Variants in IGSF10 observed in about 807,000 individuals in gnomAD.
The protein encoded by IGSF10 is immunoglobulin superfamily member 10, also known as calvaria mechanical force protein 608.
IGSF10 carries 126 observed loss-of-function variants against 128.2 expected under a neutral mutation model. That is an observed-to-expected ratio of 0.98 (90% CI 0.85 to 1.14). The LOEUF is 1.14. Among genes scored for constraint, IGSF10 ranks in the 50% most tolerant of loss-of-function variants. IGSF10 has a pLI of 0.00. For missense variants in IGSF10, 3,295 were observed against 3,149.8 expected (o/e 1.05, Z -1.10); for synonymous variants, 1,185 against 1,146.2 (o/e 1.03, Z -0.68).
chr3:151,535,680 T>C, the IGSF10 span, among the ~76,000 whole-genome samples: 10 of 152,272 alleles, frequency 6.6e-5, no homozygotes, highest in South Asian at 2.1e-3. Flanking sequence ...ATATATAAAG[T>C]ATGGTAGGTA....
chr3:151,611,612 A>T, the IGSF10 span, among the ~76,000 whole-genome samples: 20,668 of 152,166 alleles, frequency 0.14, 1,764 homozygotes, highest in African/African-American at 0.25. Flanking sequence ...ATGTGTTCTT[A>T]AAAAAGGATT....
the IGSF10 span, among the ~76,000 whole-genome samples, chr3:151,594,373 G>T: frequency 2.3e-5 from 3 of 132,358 alleles, no homozygotes; most frequent in African/African-American, 8.7e-5. Flanking sequence ...TTGCTCTGTC[G>T]CCCAGGCTGG....
the IGSF10 span, among the ~76,000 whole-genome samples, chr3:151,521,705 T>C: frequency 1.3e-5 from 2 of 151,964 alleles, no homozygotes; most frequent in African/African-American, 2.4e-5. Context: ...GGGATACAGC[T>C]AAGGCAGTGT....
At chr3:151,618,591 G>A in the IGSF10 span, among the ~76,000 whole-genome samples, 4 of 151,588 alleles carry the variant, frequency 2.6e-5, no homozygotes, top group East Asian at 1.9e-4. Context: ...TTAGCCGGGC[G>A]TGGTGGTGGG....
chr3:151,492,352 A>T, the IGSF10 span, among the ~76,000 whole-genome samples: 1 of 152,204 alleles, frequency 6.6e-6, no homozygotes, highest in Non-Finnish European at 1.5e-5. Flanking sequence ...AAGGCAAGAA[A>T]TCATAAATGT....
At chr3:151,499,074 A>G in the IGSF10 span, among the ~76,000 whole-genome samples, 1 of 152,154 alleles carries the variant, frequency 6.6e-6, no homozygotes, top group African/African-American at 2.4e-5. Flanking sequence ...TTACTTTTGT[A>G]CATGTTTTCC....
the IGSF10 span, among the ~76,000 whole-genome samples, chr3:151,565,423 G>A: frequency 2.6e-5 from 4 of 152,156 alleles, no homozygotes; most frequent in Non-Finnish European, 5.9e-5. Flanking sequence ...ACAGAGGTGA[G>A]TGGTAAGGTC....
the IGSF10 span, among the ~76,000 whole-genome samples, chr3:151,515,503 A>C: frequency 6.7e-6 from 1 of 150,064 alleles, no homozygotes; most frequent in Non-Finnish European, 1.5e-5. Context: ...TAGCATTAGG[A>C]CATATACCTA....
At position 151,448,911 on chromosome 3, in the gene IGSF10, G is replaced by C; in HGVS notation, c.1070C>G (p.Ser357Ter). The C allele has an allele frequency of 6.2e-7, 1 of 1,614,216 alleles. No individual in the cohort carries two copies. The highest frequency in any genetic ancestry group is 1.1e-5 in the South Asian group (1 of 91,080). ...GTTGCACACCAAAAATGTTGAAAAT[G>C]AAGTATTTAGCACGATGTAGTCATT... ...EENDYIVLNTSFSTFLVCNID... is the reference protein window; with the variant it reads ...EENDYIVLNT The change falls in exon 6 of 8, where the codon TCA (serine) becomes TGA (stop). Residue 357 changes from serine (S) to a stop codon, truncating the protein, a stop_gained. Coordinates refer to ENST00000282466, the MANE Select transcript of IGSF10 (RefSeq NM_178822.5). LOFTEE classifies it high-confidence loss of function.
chr3:151,461,346 G>A (rs1380144909), upstream of IGSF10: 3 of 985,204 alleles, frequency 3.0e-6, no homozygotes, highest in Admixed American at 6.1e-5. Context: ...AAGGGTTTAC[G>A]TAAATCGCCG....
chr3:151,469,766 A>G, the IGSF10 span, among the ~76,000 whole-genome samples: 4 of 152,132 alleles, frequency 2.6e-5, no homozygotes, highest in South Asian at 2.1e-4. Flanking sequence ...GCTCTAACCA[A>G]TTGTAGAAGA....
chr3:151,447,491 A>G lies in IGSF10; in HGVS notation c.2490T>C (p.Asp830=), dbSNP rs1721265529. The G allele has an allele frequency of 6.2e-7, 1 of 1,614,198 alleles. No individual in the cohort carries two copies. The highest frequency in any genetic ancestry group is 1.3e-5 in the African/African-American group (1 of 75,062). The change falls in exon 6 of 8, where the codon GAT becomes GAC. Residue 830 remains aspartate (D), a synonymous_variant. Coordinates refer to ENST00000282466, the MANE Select transcript of IGSF10 (RefSeq NM_178822.5). ...TVTADSRTIS[D]SPMTNINYGT... The stretch of plus-strand genomic sequence containing the variant: ...CATAATTTATGTTTGTCATAGGACT[A>G]TCAGATATTGTTCTGGAGTCAGCAG...
At chr3:151,537,782 C>T in the IGSF10 span, among the ~76,000 whole-genome samples, 130,479 of 152,192 alleles carry the variant, frequency 0.86, 56,146 homozygotes, top group Middle Eastern at 0.95. Context: ...ATTCAATAAA[C>T]CTACCTTCTT....
At chr3:151,442,269 A>T (rs1159525738) in intron 7 of IGSF10, among the ~76,000 whole-genome samples, 1 of 151,984 alleles carries the variant, frequency 6.6e-6, no homozygotes, top group Non-Finnish European at 1.5e-5. Context: ...CGAATAGGGG[A>T]CTCAGACGAG....
intron 3 of IGSF10, among the ~76,000 whole-genome samples, chr3:151,457,637 T>C (rs1446827034): frequency 4.6e-5 from 7 of 152,154 alleles, no homozygotes; most frequent in African/African-American, 7.2e-5. Flanking sequence ...GGTACAACCC[T>C]GGGTAAAATC....
At position 151,445,597 on chromosome 3, in the gene IGSF10, T is replaced by G; in HGVS notation, c.4384A>C (p.Ile1462Leu). 1 of 1,614,158 alleles carries G rather than the reference T, an allele frequency of 6.2e-7. No individual in the cohort carries two copies. Among genetic ancestry groups the G allele is most frequent in the Non-Finnish European group, 8.5e-7 (1 of 1,180,002 alleles). ...TRKAIIRHST[I>L]PPFLSSSATL... ...GCACTGCTGCTCAAGAATGGTGGTA[T>G]GGTTGAGTGTCTAATGATTGCTTTC... The change falls in exon 6 of 8, where the codon ATA becomes CTA. Residue 1462 changes from isoleucine (I) to leucine (L), a missense_variant. Ile to Leu is a conservative substitution (Grantham distance 5). Transcript: ENST00000282466.
chr3:151,528,608 G>T, the IGSF10 span, among the ~76,000 whole-genome samples: 1 of 152,166 alleles, frequency 6.6e-6, no homozygotes, highest in African/African-American at 2.4e-5. Flanking sequence ...AGGGTTGGGG[G>T]ATTTCCCTCC....
chr3:151,466,885 G>A, the IGSF10 span, among the ~76,000 whole-genome samples: 17 of 152,048 alleles, frequency 1.1e-4, 1 homozygote, highest in South Asian at 3.3e-3. Flanking sequence ...GGCTCAACGT[G>A]TGCATTTTTA....
chr3:151,517,428 T>C, the IGSF10 span, among the ~76,000 whole-genome samples: 1 of 152,020 alleles, frequency 6.6e-6, no homozygotes, highest in Non-Finnish European at 1.5e-5. Context: ...ATTATCCTCC[T>C]GATAGTCATA....
Sources: gnomAD v4.1 joint callset for allele counts (sites outside exome capture counted in the v4.1 genomes callset) on GRCh38, gnomAD v4.1.1 for gene constraint, MANE v1.5 for transcripts, NCBI Gene and HGNC (gene_info 2026-07-23, HGNC 2026-07-21) for gene names.